Variants in ACTR3C observed in about 807,000 individuals in gnomAD.
ACTR3C encodes actin-related protein 3C.
ACTR3C carries 18 observed loss-of-function variants against 26.3 expected under a neutral mutation model. The observed-to-expected ratio is 0.68, with a 90% CI of 0.47 to 1.01. The LOEUF (loss-of-function observed/expected upper bound fraction) is 1.01. Among genes scored for constraint, ACTR3C ranks in the 50% least tolerant of loss-of-function variants. The pLI is 0.00. For missense variants in ACTR3C, 184 were observed against 250.7 expected (o/e 0.73, Z 1.80); for synonymous variants, 55 against 94.5 (o/e 0.58, Z 2.42).
chr7:150,033,765 T>C, the ACTR3C span, among the ~76,000 whole-genome samples: 6 of 142,234 alleles, frequency 4.2e-5, no homozygotes, highest in East Asian at 1.4e-3. Flanking sequence ...GGGGGGTGCT[T>C]CCACCTCCTG....
chr7:149,908,870 C>CAA, the ACTR3C span, among the ~76,000 whole-genome samples: 3 of 151,968 alleles, frequency 2.0e-5, no homozygotes, highest in African/African-American at 4.8e-5. Context: ...CAACCTCCAC[C>CAA]CCCCAGCTTC....
At chr7:150,006,407 C>G in the ACTR3C span, among the ~76,000 whole-genome samples, 5 of 147,526 alleles carry the variant, frequency 3.4e-5, no homozygotes, top group Non-Finnish European at 6.0e-5. Flanking sequence ...CTGTGTTAGC[C>G]AGGATGGTCT....
chr7:150,243,654 C>A (rs1276620751), downstream of ACTR3C, among the ~76,000 whole-genome samples: 1 of 152,098 alleles, frequency 6.6e-6, no homozygotes. Flanking sequence ...CATGTATAAC[C>A]TACACAATCC....
chr7:150,162,653 A>T, the ACTR3C span, among the ~76,000 whole-genome samples: 1 of 152,192 alleles, frequency 6.6e-6, no homozygotes, highest in Non-Finnish European at 1.5e-5. Flanking sequence ...TTACTTTTGC[A>T]CCATCCTAAT....
intron 6 of ACTR3C, among the ~76,000 whole-genome samples, chr7:150,256,940 T>G (rs1833260024): frequency 6.6e-6 from 1 of 152,198 alleles, no homozygotes; most frequent in Admixed American, 6.5e-5. Context: ...AAAACCTTAA[T>G]AAACTCAAAC....
At chr7:149,881,969 G>C in the ACTR3C span, 1 of 152,934 alleles carries the variant, frequency 6.5e-6, no homozygotes, top group Non-Finnish European at 1.5e-5. Context: ...CAGGTGGGGG[G>C]TGAGAAACAC....
At chr7:150,285,091 G>T (rs1024259723) in intron 5 of ACTR3C, among the ~76,000 whole-genome samples, 1 of 152,136 alleles carries the variant, frequency 6.6e-6, no homozygotes, top group Non-Finnish European at 1.5e-5. Context: ...CAACATCACA[G>T]ACAGACCACC....
intron 6 of ACTR3C, among the ~76,000 whole-genome samples, chr7:150,281,313 T>A (rs1835318722): frequency 6.6e-6 from 1 of 151,376 alleles, no homozygotes; most frequent in Admixed American, 6.6e-5. Flanking sequence ...GAATTATTTT[T>A]AAAAACCCAC....
At chr7:150,267,241 C>T (rs778820999) in intron 6 of ACTR3C, among the ~76,000 whole-genome samples, 2 of 152,216 alleles carry the variant, frequency 1.3e-5, no homozygotes, top group Non-Finnish European at 2.9e-5. Context: ...CCAGCAGCCC[C>T]CCATTATCTG....
chr7:149,913,067 C>T, the ACTR3C span, among the ~76,000 whole-genome samples: 1 of 152,110 alleles, frequency 6.6e-6, no homozygotes, highest in East Asian at 1.9e-4. Flanking sequence ...TCTGCACCAA[C>T]ATAGGCTCAT....
the ACTR3C span, among the ~76,000 whole-genome samples, chr7:149,990,886 C>T: frequency 1.1e-3 from 165 of 152,238 alleles, no homozygotes; most frequent in African/African-American, 3.6e-3. Flanking sequence ...ACAGCTGGGC[C>T]CAGGGTACAC....
the ACTR3C span, among the ~76,000 whole-genome samples, chr7:150,007,252 C>T: frequency 6.6e-6 from 1 of 152,178 alleles, no homozygotes; most frequent in Non-Finnish European, 1.5e-5. Flanking sequence ...GGAACTGAGG[C>T]TTCCAAGGCT....
chr7:149,947,651 G>A, the ACTR3C span, among the ~76,000 whole-genome samples: 1,513 of 106,888 alleles, frequency 0.014, 43 homozygotes, highest in African/African-American at 0.085. Flanking sequence ...CTGGGGCAGC[G>A]TGTGCAGGAT....
the ACTR3C span, among the ~76,000 whole-genome samples, chr7:149,907,478 T>TCTCTCTC: frequency 0.015 from 1,447 of 97,612 alleles, 30 homozygotes; most frequent in African/African-American, 0.039. Context: ...CTCTCTTCTC[T>TCTCTCTC]TCTCTCTCTC....
the ACTR3C span, among the ~76,000 whole-genome samples, chr7:149,976,666 G>A: frequency 0.48 from 71,755 of 149,586 alleles, 17,973 homozygotes; most frequent in African/African-American, 0.63. Flanking sequence ...AATGATAAAA[G>A]TAAAAAAAAA....
the ACTR3C span, among the ~76,000 whole-genome samples, chr7:150,152,042 G>C: frequency 6.9e-6 from 1 of 145,738 alleles, no homozygotes; most frequent in Non-Finnish European, 1.5e-5. Flanking sequence ...ATTTTGGGCT[G>C]CGACAATGGG....
the ACTR3C span, among the ~76,000 whole-genome samples, chr7:150,070,876 G>A: frequency 1.3e-5 from 2 of 149,928 alleles, no homozygotes; most frequent in Non-Finnish European, 2.9e-5. Context: ...CTCACTGCAA[G>A]CTCTGCCTCC....
chr7:149,964,710 A>T, the ACTR3C span, among the ~76,000 whole-genome samples: 3 of 152,350 alleles, frequency 2.0e-5, no homozygotes, highest in African/African-American at 7.2e-5. Flanking sequence ...CAAGGGAAAT[A>T]CATAGTCAGA....
chr7:149,929,783 A>G, the ACTR3C span, among the ~76,000 whole-genome samples: 3 of 152,124 alleles, frequency 2.0e-5, no homozygotes, highest in African/African-American at 4.8e-5. Context: ...CGCCCGCCTC[A>G]GCCTCCCAAA....
Sources: gnomAD v4.1 joint callset for allele counts (sites outside exome capture counted in the v4.1 genomes callset) on GRCh38, gnomAD v4.1.1 for gene constraint, MANE v1.5 for transcripts, NCBI Gene and HGNC (gene_info 2026-07-23, HGNC 2026-07-21) for gene names.